Variants in CIBAR1 observed in about 807,000 individuals in gnomAD.
CIBAR1 encodes the protein CBY1 interacting BAR domain containing 1, also known as CBY1-interacting BAR domain-containing protein 1.
CIBAR1 carries 25 observed loss-of-function variants against 44.0 expected under a neutral mutation model. The ratio of observed to expected loss-of-function variants is 0.57; its 90% CI spans 0.41 to 0.79. The LOEUF (loss-of-function observed/expected upper bound fraction) is 0.79. Ranked by LOEUF, CIBAR1 falls within the 30% of genes least tolerant of loss-of-function variation. CIBAR1 has a pLI of 0.00. For synonymous variants in CIBAR1, 115 were observed against 119.0 expected (o/e 0.97, Z 0.22); for missense variants, 278 against 344.8 (o/e 0.81, Z 1.53).
intron 3 of CIBAR1, among the ~76,000 whole-genome samples, chr8:93,704,056 T>A (rs1810478044): frequency 6.7e-6 from 1 of 150,238 alleles, no homozygotes; most frequent in African/African-American, 2.4e-5. Context: ...AGTGTGAGAC[T>A]CTGTCTCAAA....
chr8:93,707,969 ACT>A (rs1266320851), intron 4 of CIBAR1, 40 bp from the exon 5 acceptor site: 2 of 1,425,220 alleles, frequency 1.4e-6, no homozygotes, highest in Non-Finnish European at 1.9e-6. Flanking sequence ...AAGCTGTTAT[ACT>A]CTCTTTGAAA....
chr8:93,705,102 C>A, intron 4 of CIBAR1, 92 bp downstream of exon 4: 1 of 779,858 alleles, frequency 1.3e-6, no homozygotes, highest in Admixed American at 2.5e-5. Context: ...TACTTTTAAA[C>A]GAGTAGAGAA....
At chr8:93,704,812 C>T in intron 3 of CIBAR1, 97 bp from the exon 4 acceptor site, 1 of 667,926 alleles carries the variant, frequency 1.5e-6, no homozygotes, top group Middle Eastern at 4.2e-4. Flanking sequence ...AAGTATTCTT[C>T]CATTCTTAAA....
intron 7 of CIBAR1, among the ~76,000 whole-genome samples, chr8:93,723,058 G>A (rs1272433274): frequency 6.6e-6 from 1 of 152,078 alleles, no homozygotes; most frequent in Non-Finnish European, 1.5e-5. Context: ...GTGCAGTGGC[G>A]CTATCTCCAC....
At chr8:93,723,818 G>A (rs1811367036) in intron 7 of CIBAR1, among the ~76,000 whole-genome samples, 1 of 152,166 alleles carries the variant, frequency 6.6e-6, no homozygotes, top group African/African-American at 2.4e-5. Context: ...CATTGTGCTT[G>A]AAGGACAAGT....
intron 7 of CIBAR1, among the ~76,000 whole-genome samples, chr8:93,723,930 A>T (rs1454473746): frequency 6.6e-6 from 1 of 152,168 alleles, no homozygotes; most frequent in African/African-American, 2.4e-5. Context: ...AGCCACAAAA[A>T]GTTTTAGAAT....
At chr8:93,706,990 G>A (rs1308475592) in intron 4 of CIBAR1, among the ~76,000 whole-genome samples, 1 of 152,112 alleles carries the variant, frequency 6.6e-6, no homozygotes, top group Non-Finnish European at 1.5e-5. Context: ...GAATCCCATG[G>A]CTCTGCCTGC....
At chr8:93,711,769 T>C (rs1341180163) in intron 6 of CIBAR1, among the ~76,000 whole-genome samples, 1 of 152,174 alleles carries the variant, frequency 6.6e-6, no homozygotes. Flanking sequence ...AATTTTTCAT[T>C]TACACATGGA....
At chr8:93,703,478 T>G (rs1002138877) in intron 2 of CIBAR1, 142 bp from the exon 3 acceptor site, 6 of 523,120 alleles carry the variant, frequency 1.1e-5, no homozygotes, top group African/African-American at 2.0e-5. Context: ...CTTTTCTACT[T>G]TTACTATTAC....
intron 6 of CIBAR1, chr8:93,716,012 C>G (rs1270437074): frequency 6.6e-6 from 1 of 152,102 alleles, no homozygotes; most frequent in Non-Finnish European, 1.5e-5. Context: ...CCTACTAAAC[C>G]TTGCATAAGC....
rs74714137 is a variant in CIBAR1, at chr8:93,725,171, T to G, written c.658-1223T>G. 2.0e-4 allele frequency among the ~76,000 whole-genome samples: 30 copies of G among 152,152 alleles called. No individual in the cohort carries two copies. The East Asian group carries it at 2.1e-3, about 11-fold the overall frequency. On this transcript the variant is annotated intron_variant, in intron 7 of 8. Coordinates refer to ENST00000518322, the MANE Select transcript of CIBAR1 (RefSeq NM_145269.5). ...CTGATTGTTTTTTTGTTTGGAGAGA[T>G]AGGGTTTCGCCATGTTGCCCAGGCT...
At chr8:93,705,231 C>A in intron 4 of CIBAR1, 1 of 422,188 alleles carries the variant, frequency 2.4e-6, no homozygotes, top group Non-Finnish European at 4.2e-6. Context: ...ACTTTGCAAA[C>A]GAACAAACAA....
rs1419856837 is a variant in CIBAR1 at position 93,702,467 on chromosome 8, A to T, written c.261+1009A>T. ...GTGCTATTTATCAAATAGCAAAGTG[A>T]ATTGATTTGCATTTGTTCTCCTTTT... On this transcript the variant is annotated intron_variant, in intron 2 of 8. Coordinates refer to ENST00000518322, the MANE Select transcript of CIBAR1 (RefSeq NM_145269.5). 6.6e-6 allele frequency: 3 copies of T among 451,906 alleles called. No homozygotes were observed. In the East Asian group the frequency reaches 2.1e-4, roughly 31 times the overall value. The allele number at this position is 451,906 out of a possible 1,614,324, so 28.0% of individuals were successfully genotyped here.
chr8:93,713,460 C>A (rs1162596247), intron 6 of CIBAR1, among the ~76,000 whole-genome samples: 2 of 152,172 alleles, frequency 1.3e-5, no homozygotes, highest in East Asian at 3.8e-4. Context: ...TTGTCACTTT[C>A]TTGATAGTGT....
In CIBAR1 at chr8:93,704,852, A is replaced by C. The variant is rs137912516; in HGVS notation, c.331-57A>C. ...TTCTTAAAAGAATTCTTCCATTCTT[A>C]AAACTGAATTTTCTTAAGTCAGACA... On this transcript the variant is annotated intron_variant, in intron 3 of 8. Coordinates refer to ENST00000518322, the MANE Select transcript of CIBAR1 (RefSeq NM_145269.5). 1.6e-4 allele frequency: 169 copies of C among 1,054,692 alleles called. 1 individual carries two copies. The East Asian group carries it at 3.1e-3, about 19-fold the overall frequency. 65.3% of individuals were successfully genotyped at this position (1,054,692 alleles called of 1,614,324 possible).
intron 8 of CIBAR1, chr8:93,727,370 A>C (rs1811566826): frequency 2.5e-6 from 1 of 397,518 alleles, no homozygotes; most frequent in Non-Finnish European, 4.5e-6. Flanking sequence ...AGTGCCTTGA[A>C]CATAAATTCC....
chr8:93,724,466 A>T (rs1380642403), intron 7 of CIBAR1: 3 of 494,408 alleles, frequency 6.1e-6, no homozygotes, highest in Non-Finnish European at 1.1e-5. Context: ...CTGGAATTAT[A>T]GGCACGTCCC....
intron 6 of CIBAR1, among the ~76,000 whole-genome samples, chr8:93,710,233 G>A (rs994229508): frequency 5.3e-5 from 8 of 151,280 alleles, no homozygotes; most frequent in Admixed American, 6.6e-5. Context: ...AGCCATGACC[G>A]TGCCACTGCA....
intron 3 of CIBAR1, 128 bp downstream of exon 3, chr8:93,703,816 AC>A: frequency 2.9e-6 from 2 of 691,258 alleles, no homozygotes; most frequent in South Asian, 2.8e-5. Context: ...TGTAATCCCA[AC>A]ACTTTGGGAG....
Sources: gnomAD v4.1 joint callset for allele counts (sites outside exome capture counted in the v4.1 genomes callset) on GRCh38, gnomAD v4.1.1 for gene constraint, MANE v1.5 for transcripts, NCBI Gene and HGNC (gene_info 2026-07-23, HGNC 2026-07-21) for gene names.